TTC28: variants seen among roughly 807,000 people sequenced by gnomAD.
The protein encoded by TTC28 is tetratricopeptide repeat domain 28, also known as tetratricopeptide repeat protein 28.
In TTC28, 61 loss-of-function variants were observed where a neutral mutation model predicts 198.0. The ratio of observed to expected loss-of-function variants is 0.31; its 90% CI spans 0.25 to 0.38. The LOEUF (loss-of-function observed/expected upper bound fraction) is 0.38. TTC28 is among the 10% of genes least tolerant of loss of function. The pLI is 1.00. For missense variants in TTC28, 2,678 were observed against 3,164.0 expected (o/e 0.85, Z 3.69); for synonymous variants, 1,171 against 1,297.8 (o/e 0.90, Z 2.10).
At chr22:28,658,473 T>C (rs1052771026) in intron 1 of TTC28, among the ~76,000 whole-genome samples, 1 of 152,196 alleles carries the variant, frequency 6.6e-6, no homozygotes, top group African/African-American at 2.4e-5. Context: ...ATTTGAAACA[T>C]GGCAGCATAG....
chr22:28,387,033 C>T (rs1243995492), intron 2 of TTC28, among the ~76,000 whole-genome samples: 1 of 151,974 alleles, frequency 6.6e-6, no homozygotes, highest in African/African-American at 2.4e-5. Flanking sequence ...GTGATGTTCC[C>T]CTTCCTGTGT....
Position 27,996,246 on chromosome 22 carries a change from G to A in TTC28, c.5133C>T (p.Ile1711=), listed in dbSNP as rs750075668. Residue 1711 remains isoleucine (I), a synonymous_variant, in exon 17 of 23, where the codon ATC becomes ATT. Transcript: ENST00000397906. ...GGCTGTTCAGCTTAACGTCACTCCCGATGAGCATGAACCCTGCAGAAAGCA... is the reference window on the plus strand; with the variant it reads ...GGCTGTTCAGCTTAACGTCACTCCCAATGAGCATGAACCCTGCAGAAAGCA... ...HPSNWAGFML[I]GSDVKLNSPS... The A allele has an allele frequency of 1.7e-5, 27 of 1,550,832 alleles. No individual in the cohort carries two copies. Among genetic ancestry groups the A allele is most frequent in the African/African-American group, 1.6e-4 (12 of 73,042 alleles).
intron 2 of TTC28, among the ~76,000 whole-genome samples, chr22:28,583,129 C>G (rs1300772918): frequency 6.6e-6 from 1 of 152,218 alleles, no homozygotes; most frequent in East Asian, 1.9e-4. Context: ...TACCCACCCC[C>G]GCAATGCAAC....
intron 5 of TTC28, among the ~76,000 whole-genome samples, chr22:28,163,915 C>T (rs1380162116): frequency 7.2e-5 from 11 of 152,316 alleles, no homozygotes; most frequent in East Asian, 3.9e-4. Flanking sequence ...GGGTGACAGA[C>T]GGCACCTGGA....
Position 27,985,432 on chromosome 22 carries a change from C to G in TTC28, c.5708-76G>C, listed in dbSNP as rs1209300307. 6.9e-6 allele frequency: 8 copies of G among 1,166,558 alleles called. No homozygotes were observed. The Admixed American group carries it at 1.7e-4, about 25-fold the overall frequency. 72.3% of individuals were successfully genotyped at this position (1,166,558 alleles called of 1,614,324 possible). A position where few individuals can be genotyped will look rare whatever the true frequency, so the allele number is the denominator to read the frequency against. ...TCTTGAACATGAGCGCTATAGGGCT[C>G]CTTGTGCAACTTCATGGAATGCCTG... is the stretch of plus-strand genomic sequence containing the variant. On this transcript the variant is annotated intron_variant, in intron 21 of 22. Coordinates refer to ENST00000397906, the MANE Select transcript of TTC28 (RefSeq NM_001145418.2).
chr22:28,306,398 T>C, intron 3 of TTC28, 98 bp downstream of exon 3: 1 of 1,357,272 alleles, frequency 7.4e-7, no homozygotes, highest in Non-Finnish European at 1.0e-6. Flanking sequence ...GCAAATTTGA[T>C]AACCTATCAA....
At chr22:28,674,973 T>G (rs1295946919) in intron 1 of TTC28, among the ~76,000 whole-genome samples, 3 of 152,134 alleles carry the variant, frequency 2.0e-5, no homozygotes, top group East Asian at 1.9e-4. Flanking sequence ...GGACTTACAC[T>G]TAATTTCAAA....
At chr22:28,535,339 T>G (rs1401604853) in intron 2 of TTC28, among the ~76,000 whole-genome samples, 1 of 152,192 alleles carries the variant, frequency 6.6e-6, no homozygotes, top group African/African-American at 2.4e-5. Flanking sequence ...AGGCCTACTT[T>G]GTGCTCCTGT....
At chr22:28,251,174 T>C (rs1405704719) in intron 5 of TTC28, among the ~76,000 whole-genome samples, 7 of 152,190 alleles carry the variant, frequency 4.6e-5, no homozygotes. Context: ...TCATTCAATA[T>C]TGAGTTTGTT....
intron 6 of TTC28, among the ~76,000 whole-genome samples, chr22:28,137,840 C>T (rs921872342): frequency 3.3e-5 from 5 of 151,958 alleles, no homozygotes; most frequent in African/African-American, 1.2e-4. Context: ...AATGGGGAAA[C>T]CCTGTCTCTA....
At chr22:28,000,679 CTG>C (rs1937649639) in intron 15 of TTC28, 1 of 152,332 alleles carries the variant, frequency 6.6e-6, no homozygotes, top group Admixed American at 6.5e-5. Context: ...TTTGGGGTCT[CTG>C]AGAGTTTGGA....
At chr22:27,997,924 G>A (rs943704256) in intron 16 of TTC28, 8 of 152,920 alleles carry the variant, frequency 5.2e-5, no homozygotes, top group African/African-American at 1.9e-4. Context: ...CAGGAGGGGT[G>A]CCTGCCTTCC....
intron 2 of TTC28, among the ~76,000 whole-genome samples, chr22:28,410,495 T>C (rs1186177988): frequency 6.6e-6 from 1 of 152,218 alleles, no homozygotes; most frequent in East Asian, 1.9e-4. Context: ...AAAAATAAGT[T>C]ATGGAACTGT....
chr22:28,413,295 G>A (rs2047113292), intron 2 of TTC28, among the ~76,000 whole-genome samples: 1 of 152,136 alleles, frequency 6.6e-6, no homozygotes, highest in East Asian at 1.9e-4. Context: ...AAAATTAGCT[G>A]GGCGTGGTGG....
rs193232323 is a variant in TTC28, at chr22:28,322,169, T to C, written c.382-15526A>G. 4.9e-3 allele frequency among the ~76,000 whole-genome samples: 740 copies of C among 152,278 alleles called. 2 individuals carry two copies. Among genetic ancestry groups the C allele is most frequent in the Non-Finnish European group, 6.5e-3 (445 of 68,020 alleles). On this transcript the variant is annotated intron_variant, in intron 2 of 22. Coordinates refer to ENST00000397906, the MANE Select transcript of TTC28 (RefSeq NM_001145418.2). The stretch of plus-strand genomic sequence containing the variant: ...TCAGTGTATCAGTATAAGTCTCTGA[T>C]AGGAAGGAGTGTTTCATGTGCCTTT...
intron 1 of TTC28, among the ~76,000 whole-genome samples, chr22:28,645,208 GTAA>G (rs893944656): frequency 1.3e-5 from 2 of 151,724 alleles, no homozygotes; most frequent in Non-Finnish European, 2.9e-5. Flanking sequence ...AAAAAAAATT[GTAA>G]TAATAATAAT....
intron 2 of TTC28, among the ~76,000 whole-genome samples, chr22:28,627,425 TTTTC>T (rs2051093262): frequency 6.6e-6 from 1 of 151,066 alleles, no homozygotes; most frequent in African/African-American, 2.4e-5. Flanking sequence ...CACATACAAT[TTTTC>T]TTTTTCTTTT....
chr22:28,212,479 T>C (rs949889719), intron 5 of TTC28, among the ~76,000 whole-genome samples: 1 of 134,602 alleles, frequency 7.4e-6, no homozygotes, highest in African/African-American at 2.5e-5. Flanking sequence ...CAAACTACCA[T>C]CAGAGAATAC....
chr22:28,268,491 A>C (rs906747639), intron 5 of TTC28, among the ~76,000 whole-genome samples: 2 of 152,230 alleles, frequency 1.3e-5, no homozygotes, highest in Non-Finnish European at 1.5e-5. Flanking sequence ...TGATATATGT[A>C]GGAACAAAAG....
Sources: gnomAD v4.1 joint callset for allele counts (sites outside exome capture counted in the v4.1 genomes callset) on GRCh38, gnomAD v4.1.1 for gene constraint, MANE v1.5 for transcripts, NCBI Gene and HGNC (gene_info 2026-07-23, HGNC 2026-07-21) for gene names.